Variants in ZNF705B observed in about 807,000 individuals in gnomAD.
ZNF705B encodes Putative zinc finger protein 705D-like protein LOC100132396.
In ZNF705B, 1 loss-of-function variant was observed where a neutral mutation model predicts 10.5. That is an observed-to-expected ratio of 0.10 (90% CI 0.03 to 0.45). ZNF705B has a LOEUF of 0.45. Ranked by LOEUF, ZNF705B falls within the 20% of genes least tolerant of loss-of-function variation. ZNF705B has a pLI of 0.97. For missense variants in ZNF705B, 14 were observed against 84.0 expected (o/e 0.17, Z 3.26); for synonymous variants, 4 against 25.4 (o/e 0.16, Z 2.53).
chr8:7,934,708 G>GTGTGTGTGTGTGTGTGTT (rs1819963511), intron 2 of ZNF705B: 2 of 101,110 alleles, frequency 2.0e-5, no homozygotes, highest in East Asian at 2.7e-4. Flanking sequence ...GTGTGTGTGT[G>GTGTGTGTGTGTGTGTGTT]TGTGTGTGTG....
chr8:7,932,591 C>T (rs1819880470), intron 2 of ZNF705B, among the ~76,000 whole-genome samples: 2 of 121,514 alleles, frequency 1.6e-5, no homozygotes, highest in African/African-American at 5.0e-5. Context: ...GTTGGTGATG[C>T]AGTTTCAAAA....
At chr8:7,940,418 T>C (rs1387108061) in intron 2 of ZNF705B, among the ~76,000 whole-genome samples, 1 of 132,218 alleles carries the variant, frequency 7.6e-6, no homozygotes, top group East Asian at 2.3e-4. Flanking sequence ...CTCCCCTTTA[T>C]TATTATTTTT....
intron 2 of ZNF705B, among the ~76,000 whole-genome samples, chr8:7,940,586 C>T (rs1176836669): frequency 7.6e-6 from 1 of 131,794 alleles, no homozygotes; most frequent in African/African-American, 2.7e-5. Context: ...CTAACCACAT[C>T]TACCCATTTC....
At chr8:7,937,614 T>C (rs1183769695) in intron 2 of ZNF705B, among the ~76,000 whole-genome samples, 5 of 121,786 alleles carry the variant, frequency 4.1e-5, no homozygotes, top group African/African-American at 1.3e-4. Context: ...ATCAAACCCA[T>C]GTATTTAGCC....
At chr8:7,940,947 T>A (rs1443431919) in intron 2 of ZNF705B, among the ~76,000 whole-genome samples, 2 of 148,776 alleles carry the variant, frequency 1.3e-5, no homozygotes, top group Non-Finnish European at 3.0e-5. Context: ...GTGCTTGGTT[T>A]TCTGTTCGTG....
At chr8:7,940,367 C>G (rs1245487794) in intron 2 of ZNF705B, among the ~76,000 whole-genome samples, 1 of 146,198 alleles carries the variant, frequency 6.8e-6, no homozygotes, top group African/African-American at 2.5e-5. Context: ...CACATCACTA[C>G]CATCAAGATT....
intron 1 of ZNF705B, among the ~76,000 whole-genome samples, chr8:7,927,188 G>A (rs1397186087): frequency 1.7e-5 from 2 of 116,232 alleles, no homozygotes; most frequent in African/African-American, 2.6e-5. Flanking sequence ...CCTTATCTAC[G>A]ACCATCTTTC....
At chr8:7,930,761 A>T (rs1819819958) in intron 2 of ZNF705B, among the ~76,000 whole-genome samples, 1 of 115,954 alleles carries the variant, frequency 8.6e-6, no homozygotes. Flanking sequence ...AATGGCAACG[A>T]CAACACTAAT....
chr8:7,935,226 T>C lies in ZNF705B; in HGVS notation c.-72+4790T>C, dbSNP rs1354778224. Among the ~76,000 whole-genome samples, 2 of 103,950 alleles carry C rather than the reference T, an allele frequency of 1.9e-5. 1 individual carries two copies. Among genetic ancestry groups the C allele is most frequent in the Non-Finnish European group, 4.5e-5 (2 of 44,378 alleles). 68.2% of individuals were successfully genotyped at this position (103,950 alleles called of 152,430 possible). A position where few individuals can be genotyped will look rare whatever the true frequency, so the allele number is the denominator to read the frequency against. ...CCTGAGACTTCACTCACTACTCATA[T>C]CTCTGGAACTGGTCTTTGAGGTTGC... On this transcript the variant is annotated intron_variant, in intron 2 of 6. Transcript: ENST00000400120.
At chr8:7,937,472 C>G (rs1428259306) in intron 2 of ZNF705B, among the ~76,000 whole-genome samples, 1 of 107,978 alleles carries the variant, frequency 9.3e-6, no homozygotes, top group African/African-American at 2.7e-5. Flanking sequence ...GATTGAGTAA[C>G]AGTGAAAACA....
intron 2 of ZNF705B, among the ~76,000 whole-genome samples, chr8:7,940,290 A>G (rs145297682): frequency 0.018 from 2,589 of 147,568 alleles, 47 homozygotes; most frequent in Non-Finnish European, 0.027. Context: ...CGATGATTAC[A>G]TTTAAAAAGC....
chr8:7,932,715 G>A lies in ZNF705B; in HGVS notation c.-72+2279G>A, dbSNP rs575981672. 3.3e-5 allele frequency among the ~76,000 whole-genome samples: 4 copies of A among 119,522 alleles called. 2 individuals are homozygous for A. In the East Asian group the frequency reaches 9.5e-4, roughly 28 times the overall value. 78.4% of individuals were successfully genotyped at this position (119,522 alleles called of 152,430 possible). A position where few individuals can be genotyped will look rare whatever the true frequency, so the allele number is the denominator to read the frequency against. Reference sequence around the variant, plus strand: ...CTTTTTGAGATTTCGAGTAGTCCATGTGACATAACTTAACATTGTTTCTTG... The same window carrying A: ...CTTTTTGAGATTTCGAGTAGTCCATATGACATAACTTAACATTGTTTCTTG... On this transcript the variant is annotated intron_variant, in intron 2 of 6. Transcript: ENST00000400120.
intron 2 of ZNF705B, among the ~76,000 whole-genome samples, chr8:7,935,888 G>A (rs565979901): frequency 0.014 from 1,309 of 91,380 alleles, 383 homozygotes; most frequent in Non-Finnish European, 0.029. Flanking sequence ...AAGCCCACTG[G>A]CCTTGTGCTA....
intron 2 of ZNF705B, among the ~76,000 whole-genome samples, chr8:7,940,999 T>A (rs1282827707): frequency 2.0e-5 from 3 of 149,138 alleles, no homozygotes; most frequent in Admixed American, 6.7e-5. Context: ...TCCATTCATG[T>A]TCCTGCAAAG....
At chr8:7,942,511 A>G (rs1820182430) in intron 2 of ZNF705B, among the ~76,000 whole-genome samples, 1 of 72,964 alleles carries the variant, frequency 1.4e-5, no homozygotes, top group Admixed American at 2.2e-4. Flanking sequence ...GCGTATCTGC[A>G]TGGGTCCATA....
chr8:7,932,487 G>T lies in ZNF705B; in HGVS notation c.-72+2051G>T, dbSNP rs571016531. Among the ~76,000 whole-genome samples, 11 of 121,558 alleles carry T rather than the reference G, an allele frequency of 9.0e-5. 2 individuals are homozygous for T. The East Asian group carries it at 2.6e-3, about 29-fold the overall frequency. 79.7% of individuals were successfully genotyped at this position (121,558 alleles called of 152,430 possible). The stretch of plus-strand genomic sequence containing the variant: ...TGAGAGGATAATATTCTATGTGATG[G>T]CTTTAATATATGTGTCCAAACTGCT... On this transcript the variant is annotated intron_variant, in intron 2 of 6. Coordinates refer to ENST00000400120, the MANE Select transcript of ZNF705B (RefSeq NM_001193630.1).
At chr8:7,927,669 G>A (rs1819734404) in intron 1 of ZNF705B, among the ~76,000 whole-genome samples, 1 of 134,020 alleles carries the variant, frequency 7.5e-6, no homozygotes, top group Non-Finnish European at 1.7e-5. Flanking sequence ...CTGGAGCTTT[G>A]AAAGGTTGAA....
intron 2 of ZNF705B, among the ~76,000 whole-genome samples, chr8:7,941,081 G>T (rs1172901560): frequency 2.7e-5 from 4 of 149,262 alleles, no homozygotes; most frequent in African/African-American, 9.8e-5. Context: ...TCTTTATCCA[G>T]TCTGTCACTG....
chr8:7,941,255 G>C (rs1820155551), intron 2 of ZNF705B, among the ~76,000 whole-genome samples: 1 of 144,936 alleles, frequency 6.9e-6, no homozygotes, highest in African/African-American at 2.5e-5. Context: ...GGTCTTTGAG[G>C]AATCACCATA....
Sources: gnomAD v4.1 joint callset for allele counts (sites outside exome capture counted in the v4.1 genomes callset) on GRCh38, gnomAD v4.1.1 for gene constraint, MANE v1.5 for transcripts, NCBI Gene and HGNC (gene_info 2026-07-23, HGNC 2026-07-21) for gene names.